Variants in ADCY7 observed in about 807,000 individuals in gnomAD.
ADCY7 encodes adenylate cyclase type 7.
ADCY7 carries 72 observed loss-of-function variants against 120.6 expected under a neutral mutation model. The observed-to-expected ratio is 0.60, with a 90% CI of 0.49 to 0.73. The LOEUF is 0.73. ADCY7 is among the 30% of genes least tolerant of loss of function. ADCY7 has a pLI of 0.00. For missense variants in ADCY7, 1,227 were observed against 1,486.0 expected (o/e 0.83, Z 2.87); for synonymous variants, 661 against 628.0 (o/e 1.05, Z -0.78).
At chr16:50,302,086 G>C (rs1475613351) in intron 10 of ADCY7, 1 of 152,400 alleles carries the variant, frequency 6.6e-6, no homozygotes, top group Non-Finnish European at 1.5e-5. Context: ...CCTGTACCCC[G>C]GCCCTGGCCC....
intron 7 of ADCY7, among the ~76,000 whole-genome samples, chr16:50,295,679 C>T (rs1298233102): frequency 1.3e-5 from 2 of 152,082 alleles, no homozygotes; most frequent in Non-Finnish European, 2.9e-5. Flanking sequence ...CATGCAAGGA[C>T]ATGAGGGCTG....
chr16:50,296,719 G>A (rs8052384), intron 7 of ADCY7, among the ~76,000 whole-genome samples: 1 of 152,020 alleles, frequency 6.6e-6, no homozygotes, highest in Non-Finnish European at 1.5e-5. Context: ...GAACTTGATG[G>A]GAGGCAAGTT....
At position 50,310,412 on chromosome 16, in the gene ADCY7, C is replaced by T. The variant is rs192232244; in HGVS notation, c.2161-275C>T. 1.8e-5 allele frequency: 28 copies of T among 1,519,430 alleles called. No individual in the cohort carries two copies. In the East Asian group the frequency reaches 4.2e-4, roughly 23 times the overall value. 94.1% of individuals were successfully genotyped at this position (1,519,430 alleles called of 1,614,324 possible). On this transcript the variant is annotated intron_variant, in intron 18 of 25. Coordinates refer to ENST00000673801, the MANE Select transcript of ADCY7 (RefSeq NM_001114.5). ...CAGGGAGGCAGCTTGGATGCATGCA[C>T]GCTCCGGCCTTGACCTTGACTGTGG... is the stretch of plus-strand genomic sequence containing the variant.
chr16:50,273,992 T>A (rs1239986490), intron 1 of ADCY7: 1 of 152,362 alleles, frequency 6.6e-6, no homozygotes, highest in Non-Finnish European at 1.5e-5. Flanking sequence ...GCAGCCTTCC[T>A]GGAAGAGGTG....
Position 50,292,663 on chromosome 16 carries a change from T to C in ADCY7, c.538-13T>C. The C allele has an allele frequency of 6.2e-7, 1 of 1,613,086 alleles. No individual in the cohort carries two copies. Among genetic ancestry groups the C allele is most frequent in the Non-Finnish European group, 8.5e-7 (1 of 1,179,480 alleles). ...CAGGCCACATAATGAGCCAAACCCCTGTCTACCCGCAGCTGCTGGCCAACG... is the reference window on the plus strand; with the variant it reads ...CAGGCCACATAATGAGCCAAACCCCCGTCTACCCGCAGCTGCTGGCCAACG... On this transcript the variant is annotated splice_polypyrimidine_tract_variant and intron_variant, in intron 4 of 25. Transcript: ENST00000673801.
At position 50,284,920 on chromosome 16, in the gene ADCY7, T is replaced by C. The variant is rs556660787; in HGVS notation, c.-268-2992T>C. ...TGCAGGTGCCGGGGGTGACAGGAACTGCTGCTGTTATTACTGCAAAGGGCT... is the reference window on the plus strand; with the variant it reads ...TGCAGGTGCCGGGGGTGACAGGAACCGCTGCTGTTATTACTGCAAAGGGCT... On this transcript the variant is annotated intron_variant, in intron 1 of 25. Transcript: ENST00000673801. 2.6e-5 allele frequency among the ~76,000 whole-genome samples: 4 copies of C among 152,366 alleles called. No homozygotes were observed. The South Asian group carries it at 8.3e-4, about 32-fold the overall frequency.
At chr16:50,292,333 C>A (rs954582211) in intron 4 of ADCY7, among the ~76,000 whole-genome samples, 7 of 152,366 alleles carry the variant, frequency 4.6e-5, no homozygotes, top group South Asian at 2.1e-4. Context: ...TCTGACCAGG[C>A]CTGGTGTCCT....
intron 1 of ADCY7, among the ~76,000 whole-genome samples, chr16:50,277,496 A>G (rs761388461): frequency 6.6e-6 from 1 of 152,170 alleles, no homozygotes; most frequent in Non-Finnish European, 1.5e-5. Flanking sequence ...TTTGCCCATC[A>G]GATAGGTAAA....
Position 50,313,024 on chromosome 16 carries a change from C to G in ADCY7, c.2739C>G (p.Ala913=), listed in dbSNP as rs190079984. The G allele has an allele frequency of 1.2e-6, 2 of 1,614,020 alleles. No individual in the cohort carries two copies. Among genetic ancestry groups the G allele is most frequent in the Non-Finnish European group, 1.7e-6 (2 of 1,180,010 alleles). Residue 913 remains alanine, a synonymous_variant, in exon 22 of 26, where the codon GCC becomes GCG. Transcript: ENST00000673801. The part of the protein sequence containing the change: ...ECLRLLNEII[A]DFDELLLKPK... ...TACGCCTGCTCAATGAGATCATTGC[C>G]GACTTCGACGAGGTACAGCCTCTAG...
At chr16:50,305,955 G>A in intron 14 of ADCY7, 106 bp downstream of exon 14, 1 of 1,135,360 alleles carries the variant, frequency 8.8e-7, no homozygotes, top group East Asian at 2.5e-5. Context: ...AGACCGGCTA[G>A]GGGAGGGGCA....
intron 7 of ADCY7, among the ~76,000 whole-genome samples, chr16:50,295,298 C>T (rs1377261491): frequency 6.6e-6 from 1 of 150,776 alleles, no homozygotes; most frequent in Non-Finnish European, 1.5e-5. Flanking sequence ...CATGCCTCAG[C>T]CTCCTGAGTA....
At chr16:50,269,931 G>A (rs1287768832) in intron 1 of ADCY7, among the ~76,000 whole-genome samples, 1 of 152,148 alleles carries the variant, frequency 6.6e-6, no homozygotes, top group Non-Finnish European at 1.5e-5. Context: ...GTTCACACCT[G>A]CAGTCCCAGC....
intron 1 of ADCY7, among the ~76,000 whole-genome samples, chr16:50,273,335 T>C (rs1308414040): frequency 6.6e-6 from 1 of 152,178 alleles, no homozygotes; most frequent in Admixed American, 6.5e-5. Context: ...GAGCTTGTGC[T>C]CCCAACCACC....
chr16:50,266,486 TTGCTGCCGCCGCCGCCGC>T (rs1422362410), upstream of ADCY7: 1 of 164,264 alleles, frequency 6.1e-6, no homozygotes, highest in South Asian at 1.3e-4. Flanking sequence ...TGCCTTAGCC[TTGCTGCCGCCGCCGCCGC>T]TGCTGCCGCT....
intron 10 of ADCY7, among the ~76,000 whole-genome samples, 165 bp downstream of exon 10, chr16:50,301,379 C>T (rs1483576091): frequency 6.6e-6 from 1 of 152,154 alleles, no homozygotes; most frequent in South Asian, 2.1e-4. Flanking sequence ...ATTCTAGGCA[C>T]CGAGTAGCCA....
At chr16:50,265,242 G>A (rs1056431860), upstream of ADCY7, among the ~76,000 whole-genome samples, 1 of 152,148 alleles carries the variant, frequency 6.6e-6, no homozygotes, top group Non-Finnish European at 1.5e-5. Flanking sequence ...TGATGATGAT[G>A]TCTGTTCCTT....
chr16:50,314,090 G>C, intron 23 of ADCY7, 28 bp downstream of exon 23: 1 of 1,602,496 alleles, frequency 6.2e-7, no homozygotes, highest in Non-Finnish European at 8.5e-7. Flanking sequence ...GTGAAATTCA[G>C]CTGACTGTCC....
intron 1 of ADCY7, among the ~76,000 whole-genome samples, chr16:50,254,825 C>T (rs573099573): frequency 6.7e-6 from 1 of 148,658 alleles, no homozygotes; most frequent in African/African-American, 2.5e-5. Context: ...CCACCCCCTG[C>T]CAAAACAAAA....
intron 7 of ADCY7, among the ~76,000 whole-genome samples, chr16:50,295,426 C>G (rs1218446460): frequency 1.4e-5 from 2 of 142,344 alleles, no homozygotes; most frequent in African/African-American, 5.3e-5. Context: ...AACTCCTGAC[C>G]TCAAGTGATC....
Sources: gnomAD v4.1 joint callset for allele counts (sites outside exome capture counted in the v4.1 genomes callset) on GRCh38, gnomAD v4.1.1 for gene constraint, MANE v1.5 for transcripts, NCBI Gene and HGNC (gene_info 2026-07-23, HGNC 2026-07-21) for gene names.